Variants in PDZRN4 observed in about 807,000 individuals in gnomAD.
PDZRN4 encodes the protein PDZ domain containing ring finger 4.
A neutral mutation model predicts 99.0 loss-of-function variants in PDZRN4; 70 were observed. That is an observed-to-expected ratio of 0.71 (90% CI 0.58 to 0.86). The LOEUF is 0.86. PDZRN4 is among the 40% of genes least tolerant of loss of function. The pLI is 0.00. For synonymous variants in PDZRN4, 551 were observed against 501.6 expected (o/e 1.10, Z -1.32); for missense variants, 1,474 against 1,331.2 (o/e 1.11, Z -1.67).
intron 3 of PDZRN4, among the ~76,000 whole-genome samples, chr12:41,197,919 G>GTTTTT (rs764851464): frequency 0.02 from 2,240 of 113,032 alleles, 85 homozygotes; most frequent in African/African-American, 0.045. Flanking sequence ...GTTTTTTCTG[G>GTTTTT]GTTTTTTTTT....
At chr12:41,393,798 G>A (rs1952226732) in intron 3 of PDZRN4, among the ~76,000 whole-genome samples, 1 of 152,166 alleles carries the variant, frequency 6.6e-6, no homozygotes, top group African/African-American at 2.4e-5. Context: ...GCCATGCTTG[G>A]TGCCTTAGCA....
chr12:41,557,755 C>A (rs749224557), intron 7 of PDZRN4, among the ~76,000 whole-genome samples: 2 of 151,946 alleles, frequency 1.3e-5, no homozygotes, highest in Non-Finnish European at 2.9e-5. Flanking sequence ...AATTAATGAT[C>A]GTTTGGGGTC....
intron 3 of PDZRN4, among the ~76,000 whole-genome samples, chr12:41,214,208 A>G (rs923191105): frequency 2.0e-5 from 3 of 149,292 alleles, no homozygotes; most frequent in African/African-American, 7.4e-5. Context: ...GCTTGAGGCC[A>G]AGAGTTCAAG....
At chr12:41,364,729 G>T (rs1403269493) in intron 3 of PDZRN4, among the ~76,000 whole-genome samples, 1 of 152,028 alleles carries the variant, frequency 6.6e-6, no homozygotes, top group East Asian at 1.9e-4. Flanking sequence ...TCATCAGCTG[G>T]TCGACAGACT....
At chr12:41,345,103 C>T (rs1046474024) in intron 3 of PDZRN4, among the ~76,000 whole-genome samples, 1 of 152,056 alleles carries the variant, frequency 6.6e-6, no homozygotes. Context: ...TAATCTGTTT[C>T]ATTTTTGTGT....
chr12:41,515,239 T>C (rs1792163223), intron 5 of PDZRN4, among the ~76,000 whole-genome samples: 1 of 152,086 alleles, frequency 6.6e-6, no homozygotes, highest in South Asian at 2.1e-4. Context: ...GACCATATGT[T>C]ATCTGTATGT....
Position 41,442,999 on chromosome 12 carries a change from C to T in PDZRN4, c.844-63457C>T, listed in dbSNP as rs146996752. Among the ~76,000 whole-genome samples the T allele has an allele frequency of 4.9e-3, 739 of 152,198 alleles. 1 individual carries two copies. The highest frequency in any genetic ancestry group is 0.01 in the Middle Eastern group (3 of 294). On this transcript the variant is annotated intron_variant, in intron 3 of 9. Transcript: ENST00000402685. ...AAAATCAGAATAACAAGTGAGGATG[C>T]ACTATAGTAATGGCTTGCTTTTATC...
chr12:41,403,306 T>C (rs529018915), intron 3 of PDZRN4, among the ~76,000 whole-genome samples: 2 of 152,262 alleles, frequency 1.3e-5, no homozygotes, highest in African/African-American at 4.8e-5. Flanking sequence ...CCCTCTCGTA[T>C]CATAACTTCA....
chr12:41,214,516 A>T (rs1355694801), intron 3 of PDZRN4, among the ~76,000 whole-genome samples: 1 of 151,252 alleles, frequency 6.6e-6, no homozygotes, highest in Non-Finnish European at 1.5e-5. Flanking sequence ...CTAGATCCGA[A>T]CCTGAGTAGA....
chr12:41,275,656 A>ATT (rs895830702), intron 3 of PDZRN4, among the ~76,000 whole-genome samples: 8 of 151,062 alleles, frequency 5.3e-5, no homozygotes, highest in African/African-American at 1.7e-4. Context: ...TATACTGTGG[A>ATT]TTTTTTTAAA....
intron 3 of PDZRN4, among the ~76,000 whole-genome samples, chr12:41,369,968 G>A (rs1239821728): frequency 1.3e-5 from 2 of 151,546 alleles, no homozygotes; most frequent in East Asian, 1.9e-4. Flanking sequence ...ACTTTTGTAT[G>A]CATACTTGAT....
At chr12:41,358,118 T>G (rs777369464) in intron 3 of PDZRN4, among the ~76,000 whole-genome samples, 6 of 151,944 alleles carry the variant, frequency 3.9e-5, no homozygotes, top group African/African-American at 7.2e-5. Flanking sequence ...AATTTGCAGA[T>G]TTGTGGTAAT....
chr12:41,320,519 A>T (rs1353967510), intron 3 of PDZRN4, among the ~76,000 whole-genome samples: 1 of 152,142 alleles, frequency 6.6e-6, no homozygotes, highest in Non-Finnish European at 1.5e-5. Context: ...CATTGTCTTG[A>T]GGTGTCCTCT....
intron 3 of PDZRN4, among the ~76,000 whole-genome samples, chr12:41,310,937 T>C (rs1349126024): frequency 6.6e-6 from 1 of 152,148 alleles, no homozygotes; most frequent in Non-Finnish European, 1.5e-5. Flanking sequence ...CTCATGAGCA[T>C]ATGGAAGTTC....
intron 3 of PDZRN4, among the ~76,000 whole-genome samples, chr12:41,408,138 G>A (rs1260030404): frequency 6.6e-6 from 1 of 152,114 alleles, no homozygotes; most frequent in African/African-American, 2.4e-5. Context: ...TCAGGAAATG[G>A]ATATTACAAA....
At chr12:41,455,156 A>G (rs941636145) in intron 3 of PDZRN4, among the ~76,000 whole-genome samples, 1 of 152,160 alleles carries the variant, frequency 6.6e-6, no homozygotes, top group Non-Finnish European at 1.5e-5. Context: ...CTCTCTATGG[A>G]TTTTTTAGGG....
rs371435996 is a variant in PDZRN4, at chr12:41,374,945, T to C, written c.844-131511T>C. Among the ~76,000 whole-genome samples, 6 of 152,306 alleles carry C rather than the reference T, an allele frequency of 3.9e-5. No homozygotes were observed. The East Asian group carries it at 9.7e-4, about 25-fold the overall frequency. The stretch of plus-strand genomic sequence containing the variant: ...CTGAGATTAGGTTATAAAAAGACAT[T>C]TGTTTTCATTTTGTGCTCTCTCTCT... On this transcript the variant is annotated intron_variant, in intron 3 of 9. Transcript: ENST00000402685.
intron 3 of PDZRN4, among the ~76,000 whole-genome samples, chr12:41,217,256 C>G (rs1054407895): frequency 1.3e-5 from 2 of 152,084 alleles, no homozygotes; most frequent in Non-Finnish European, 2.9e-5. Context: ...TTTGAAATCT[C>G]TAAGGCAGGG....
At chr12:41,276,418 G>T (rs908645761) in intron 3 of PDZRN4, among the ~76,000 whole-genome samples, 1 of 151,962 alleles carries the variant, frequency 6.6e-6, no homozygotes, top group African/African-American at 2.4e-5. Flanking sequence ...GCCTCAGATA[G>T]ATTCAGATAG....
Sources: allele counts gnomAD v4.1 joint callset (sites outside exome capture counted in the v4.1 genomes callset), GRCh38; gene constraint gnomAD v4.1.1; transcripts MANE v1.5; gene names NCBI Gene and HGNC (gene_info 2026-07-23, HGNC 2026-07-21).